Variants in CTNNA2 observed in about 807,000 individuals in gnomAD.
CTNNA2 encodes catenin alpha 2, also known as catenin alpha-2.
Under a neutral mutation model 101.0 loss-of-function variants are expected in CTNNA2, and 42 were observed. The ratio of observed to expected loss-of-function variants is 0.42; its 90% CI spans 0.32 to 0.54. CTNNA2 has a LOEUF of 0.54. CTNNA2 is among the 20% of genes least tolerant of loss of function. CTNNA2 has a pLI of 0.14. For synonymous variants in CTNNA2, 450 were observed against 456.4 expected (o/e 0.99, Z 0.18); for missense variants, 871 against 1,223.1 (o/e 0.71, Z 4.29).
chr2:80,054,416 C>T (rs1214480188), intron 7 of CTNNA2, among the ~76,000 whole-genome samples: 1 of 152,202 alleles, frequency 6.6e-6, no homozygotes, highest in Non-Finnish European at 1.5e-5. Context: ...TCCAGAAACA[C>T]TGTGACTCCT....
intron 7 of CTNNA2, among the ~76,000 whole-genome samples, chr2:80,041,638 T>A (rs1464632111): frequency 6.6e-6 from 1 of 152,186 alleles, no homozygotes; most frequent in Admixed American, 6.5e-5. Flanking sequence ...TTCAGTACAT[T>A]CCTGTCTTCG....
intron 7 of CTNNA2, among the ~76,000 whole-genome samples, chr2:80,226,009 G>C (rs1708868254): frequency 6.6e-6 from 1 of 151,956 alleles, no homozygotes; most frequent in African/African-American, 2.4e-5. Flanking sequence ...AATTGGTTCT[G>C]TATCACAGTT....
chr2:80,124,550 C>G (rs537847034), intron 7 of CTNNA2, among the ~76,000 whole-genome samples: 1 of 151,912 alleles, frequency 6.6e-6, no homozygotes, highest in South Asian at 2.1e-4. Context: ...CATTTTTTTC[C>G]AAACATAGTT....
At chr2:80,071,329 A>C (rs1698326941) in intron 7 of CTNNA2, among the ~76,000 whole-genome samples, 1 of 152,170 alleles carries the variant, frequency 6.6e-6, no homozygotes, top group Non-Finnish European at 1.5e-5. Context: ...CCTCCTCCCT[A>C]TTCCGTGCCG....
rs772220678 is a variant in CTNNA2, at chr2:80,574,226, A to C, written c.1805A>C (p.Gln602Pro). 6.2e-7 allele frequency: 1 copy of C among 1,613,762 alleles called. No homozygotes were observed. Among genetic ancestry groups the C allele is most frequent in the East Asian group, 2.2e-5 (1 of 44,842 alleles). ...GAAGCCCTGAGTGCCAACGTTCCTCAACCGTTTGAGGAGAATGAGTTCATC... is the reference window on the plus strand; with the variant it reads ...GAAGCCCTGAGTGCCAACGTTCCTCCACCGTTTGAGGAGAATGAGTTCATC... Reference protein sequence around the residue: ...AIEALSANVPQPFEENEFIDA... With the variant: ...AIEALSANVPPPFEENEFIDA... Residue 602 changes from glutamine to proline, a missense_variant, in exon 13 of 19, where the codon CAA becomes CCA. Gln to Pro is a moderately conservative substitution (Grantham distance 76, BLOSUM62 -1). Transcript: ENST00000402739.
intron 3 of CTNNA2, among the ~76,000 whole-genome samples, chr2:79,352,920 C>A (rs1677423841): frequency 6.6e-6 from 1 of 152,246 alleles, no homozygotes; most frequent in African/African-American, 2.4e-5. Context: ...AAAGGGGAAG[C>A]AGTCCTATAT....
At chr2:80,484,205 C>T (rs1686368805) in intron 9 of CTNNA2, among the ~76,000 whole-genome samples, 1 of 151,694 alleles carries the variant, frequency 6.6e-6, no homozygotes, top group African/African-American at 2.4e-5. Flanking sequence ...GTGTGGAATT[C>T]TGAATGCGCT....
chr2:79,466,647 C>T (rs2104541608), intron 4 of CTNNA2, among the ~76,000 whole-genome samples: 1 of 152,270 alleles, frequency 6.6e-6, no homozygotes, highest in South Asian at 2.1e-4. Flanking sequence ...AGACTGACAC[C>T]CCACACAGCC....
chr2:79,261,000 G>T (rs780756032), intron 2 of CTNNA2, among the ~76,000 whole-genome samples: 1 of 152,190 alleles, frequency 6.6e-6, no homozygotes, highest in Non-Finnish European at 1.5e-5. Flanking sequence ...CTGTGGAGAA[G>T]AATTACCCTA....
chr2:79,291,185 T>G (rs965624872), intron 2 of CTNNA2, among the ~76,000 whole-genome samples: 3 of 152,194 alleles, frequency 2.0e-5, no homozygotes, highest in African/African-American at 7.2e-5. Flanking sequence ...CATGAATTCT[T>G]GATTAAAGCA....
At chr2:79,664,041 A>G (rs1682224426) in intron 2 of CTNNA2, among the ~76,000 whole-genome samples, 1 of 152,230 alleles carries the variant, frequency 6.6e-6, no homozygotes, top group East Asian at 1.9e-4. Flanking sequence ...AGATAAATAT[A>G]TTTATTAGCT....
chr2:80,369,583 A>G (rs1675266485), intron 7 of CTNNA2, among the ~76,000 whole-genome samples: 1 of 152,076 alleles, frequency 6.6e-6, no homozygotes, highest in Non-Finnish European at 1.5e-5. Flanking sequence ...ATATCCACGT[A>G]CTAAGTCCTG....
intron 1 of CTNNA2, among the ~76,000 whole-genome samples, chr2:79,191,403 C>T (rs993606917): frequency 6.6e-6 from 1 of 152,152 alleles, no homozygotes; most frequent in Non-Finnish European, 1.5e-5. Flanking sequence ...GTTGTGTTGA[C>T]CTTGTAGAGC....
intron 7 of CTNNA2, among the ~76,000 whole-genome samples, chr2:79,914,325 C>G (rs1373704751): frequency 6.6e-6 from 1 of 151,986 alleles, no homozygotes. Context: ...TTATAAAAGA[C>G]TAGAAAAATT....
At chr2:80,150,984 T>C (rs2148927830) in intron 7 of CTNNA2, among the ~76,000 whole-genome samples, 1 of 152,326 alleles carries the variant, frequency 6.6e-6, no homozygotes, top group Non-Finnish European at 1.5e-5. Flanking sequence ...CTCAGCCTGT[T>C]GCCCACGAGG....
chr2:80,268,532 A>G (rs1319008880), intron 7 of CTNNA2, among the ~76,000 whole-genome samples: 1 of 152,196 alleles, frequency 6.6e-6, no homozygotes, highest in African/African-American at 2.4e-5. Context: ...ACAAATGACA[A>G]GAAAACTGAG....
chr2:79,389,334 C>G (rs1678140901), intron 4 of CTNNA2, among the ~76,000 whole-genome samples: 1 of 152,092 alleles, frequency 6.6e-6, no homozygotes, highest in Admixed American at 6.6e-5. Flanking sequence ...GAATGTCAAG[C>G]AGACATCAGT....
chr2:80,149,054 T>C (rs1703535238), intron 7 of CTNNA2, among the ~76,000 whole-genome samples: 1 of 149,598 alleles, frequency 6.7e-6, no homozygotes, highest in African/African-American at 2.5e-5. Flanking sequence ...TTAAGACAAG[T>C]TATTTCTCTA....
intron 7 of CTNNA2, among the ~76,000 whole-genome samples, chr2:80,282,841 G>A (rs1377531641): frequency 6.6e-6 from 1 of 151,954 alleles, no homozygotes; most frequent in Non-Finnish European, 1.5e-5. Context: ...TTTAAAACCT[G>A]ATTTAAAGGG....
Sources: gnomAD v4.1 joint callset for allele counts (sites outside exome capture counted in the v4.1 genomes callset) on GRCh38, gnomAD v4.1.1 for gene constraint, MANE v1.5 for transcripts, NCBI Gene and HGNC (gene_info 2026-07-23, HGNC 2026-07-21) for gene names.